The following HEMK2 variants were observed in gnomAD, a reference collection of about 807,000 sequenced individuals.
The protein encoded by HEMK2 is methyltransferase HEMK2.
At chr21:28,638,305 T>C in the HEMK2 span, among the ~76,000 whole-genome samples, 4 of 152,160 alleles carry the variant, frequency 2.6e-5, no homozygotes, top group East Asian at 1.9e-4. Context: ...GAAGGTTATG[T>C]AGAGGGTCAC....
the HEMK2 span, among the ~76,000 whole-genome samples, chr21:28,659,655 AAAAGAG>A: frequency 6.6e-6 from 1 of 152,072 alleles, no homozygotes; most frequent in African/African-American, 2.4e-5. Context: ...TACTTCTAAC[AAAAGAG>A]AAATAGGTAA....
chr21:28,779,635 G>A, the HEMK2 span, among the ~76,000 whole-genome samples: 1 of 152,168 alleles, frequency 6.6e-6, no homozygotes, highest in African/African-American at 2.4e-5. Context: ...CATATAATGG[G>A]TAAGTGAGAT....
the HEMK2 span, among the ~76,000 whole-genome samples, chr21:28,674,362 C>A: frequency 2.0e-5 from 3 of 152,210 alleles, no homozygotes; most frequent in Non-Finnish European, 2.9e-5. Context: ...AATACACTTG[C>A]TTTCACTTTA....
At chr21:28,664,113 G>A in the HEMK2 span, among the ~76,000 whole-genome samples, 1 of 152,112 alleles carries the variant, frequency 6.6e-6, no homozygotes, top group Admixed American at 6.6e-5. Flanking sequence ...AGTTTTATAT[G>A]TGTTTACATT....
the HEMK2 span, among the ~76,000 whole-genome samples, chr21:28,692,288 G>A: frequency 6.6e-6 from 1 of 152,020 alleles, no homozygotes; most frequent in Admixed American, 6.6e-5. Flanking sequence ...GATACTAATG[G>A]AAGCAAAAGA....
At chr21:28,638,696 C>G in the HEMK2 span, among the ~76,000 whole-genome samples, 81,765 of 151,878 alleles carry the variant, frequency 0.54, 24,077 homozygotes, top group African/African-American at 0.78. Flanking sequence ...CCTGTGTCTG[C>G]AGTCAGCTGG....
chr21:28,690,965 T>C, the HEMK2 span, among the ~76,000 whole-genome samples: 1 of 152,200 alleles, frequency 6.6e-6, no homozygotes, highest in Admixed American at 6.5e-5. Context: ...CTCTCTATTT[T>C]CTGCAAATTG....
chr21:28,696,374 T>C, the HEMK2 span, among the ~76,000 whole-genome samples: 1 of 152,162 alleles, frequency 6.6e-6, no homozygotes, highest in Non-Finnish European at 1.5e-5. Flanking sequence ...AAGTCTAAAA[T>C]TCAACAGGGC....
the HEMK2 span, among the ~76,000 whole-genome samples, chr21:28,702,313 A>C: frequency 6.6e-6 from 1 of 152,194 alleles, no homozygotes; most frequent in Admixed American, 6.5e-5. Flanking sequence ...TTGCAACAAA[A>C]AAAAAAAATT....
At chr21:28,862,366 G>A in the HEMK2 span, among the ~76,000 whole-genome samples, 8 of 121,044 alleles carry the variant, frequency 6.6e-5, 1 homozygote, top group South Asian at 2.2e-4. Context: ...GTCGCCGGGC[G>A]CGGTGGGTCA....
the HEMK2 span, among the ~76,000 whole-genome samples, chr21:28,812,589 C>T: frequency 6.6e-6 from 1 of 152,118 alleles, no homozygotes. Context: ...GGATATTGGC[C>T]TGAAAATTTT....
At chr21:28,730,402 ACACACACACACACAC>A in the HEMK2 span, among the ~76,000 whole-genome samples, 1 of 105,610 alleles carries the variant, frequency 9.5e-6, no homozygotes, top group Non-Finnish European at 1.7e-5. Context: ...ACACACACAC[ACACACACACACACAC>A]ATTTCTCACA....
chr21:28,808,889 T>A, the HEMK2 span, among the ~76,000 whole-genome samples: 135 of 152,286 alleles, frequency 8.9e-4, no homozygotes, highest in East Asian at 1.5e-3. Context: ...AATTTAATAG[T>A]TTTAATTAAG....
At chr21:28,604,964 A>C in the HEMK2 span, among the ~76,000 whole-genome samples, 1 of 152,326 alleles carries the variant, frequency 6.6e-6, no homozygotes, top group East Asian at 1.9e-4. Flanking sequence ...AACTACCTTA[A>C]GGAGACAGGA....
the HEMK2 span, among the ~76,000 whole-genome samples, chr21:28,667,102 T>G: frequency 1.3e-5 from 2 of 152,160 alleles, no homozygotes; most frequent in African/African-American, 4.8e-5. Context: ...GACTTGTTAT[T>G]AGAAATAAAG....
chr21:28,717,124 T>G, the HEMK2 span, among the ~76,000 whole-genome samples: 2 of 152,212 alleles, frequency 1.3e-5, no homozygotes, highest in Non-Finnish European at 2.9e-5. Flanking sequence ...AGGATGATGC[T>G]GGGTTTGTAG....
At chr21:28,656,278 T>C in the HEMK2 span, among the ~76,000 whole-genome samples, 2 of 151,936 alleles carry the variant, frequency 1.3e-5, no homozygotes, top group African/African-American at 4.8e-5. Flanking sequence ...CCACAACCTA[T>C]AGAAAACACG....
At chr21:28,705,774 C>T in the HEMK2 span, among the ~76,000 whole-genome samples, 1 of 152,240 alleles carries the variant, frequency 6.6e-6, no homozygotes, top group South Asian at 2.1e-4. Flanking sequence ...GGTAAATCAA[C>T]GTTCTCGCCT....
the HEMK2 span, among the ~76,000 whole-genome samples, chr21:28,621,715 G>A: frequency 6.6e-6 from 1 of 152,182 alleles, no homozygotes; most frequent in Non-Finnish European, 1.5e-5. Flanking sequence ...CCTTCTTAAG[G>A]GTGGGAGAGA....
Sources: gnomAD v4.1 joint callset for allele counts (sites outside exome capture counted in the v4.1 genomes callset) on GRCh38, gnomAD v4.1.1 for gene constraint, MANE v1.5 for transcripts, NCBI Gene and HGNC (gene_info 2026-07-23, HGNC 2026-07-21) for gene names.